The following RBFOX1 variants were observed in gnomAD, a reference collection of about 807,000 sequenced individuals.
RBFOX1 encodes RNA binding protein fox-1 homolog 1.
RBFOX1 carries 8 observed loss-of-function variants against 57.7 expected under a neutral mutation model. That is an observed-to-expected ratio of 0.14 (90% CI 0.08 to 0.25). RBFOX1 has a LOEUF of 0.25. RBFOX1 is among the 10% of genes least tolerant of loss of function. The probability of loss-of-function intolerance (pLI) is 1.00; values close to 1 mark genes in which losing one functional copy is unlikely to be tolerated. For missense variants in RBFOX1, 611 were observed against 548.5 expected (o/e 1.11, Z -1.14); for synonymous variants, 326 against 222.4 (o/e 1.47, Z -4.15).
chr16:7,530,564 T>C (rs143296367), intron 5 of RBFOX1, among the ~76,000 whole-genome samples: 274 of 152,110 alleles, frequency 1.8e-3, no homozygotes, highest in African/African-American at 6.1e-3. Flanking sequence ...GGTGGTTGTA[T>C]CAATGGGTCT....
intron 4 of RBFOX1, among the ~76,000 whole-genome samples, chr16:7,067,542 T>C (rs962367708): frequency 1.3e-5 from 2 of 151,980 alleles, no homozygotes; most frequent in African/African-American, 2.4e-5. Context: ...TTTCTTTTTT[T>C]ATTTTATTAT....
chr16:7,399,705 C>G (rs982704567), intron 4 of RBFOX1, among the ~76,000 whole-genome samples: 2 of 148,880 alleles, frequency 1.3e-5, no homozygotes, highest in African/African-American at 5.0e-5. Flanking sequence ...GGATTTAGGG[C>G]TCACTTAAGT....
intron 14 of RBFOX1, among the ~76,000 whole-genome samples, chr16:7,701,518 A>T (rs1272119806): frequency 2.6e-5 from 4 of 152,066 alleles, no homozygotes; most frequent in Non-Finnish European, 5.9e-5. Flanking sequence ...TTTTTTCCTG[A>T]AACTATTCTC....
intron 4 of RBFOX1, among the ~76,000 whole-genome samples, chr16:6,007,402 C>T (rs1362597751): frequency 6.6e-6 from 1 of 152,190 alleles, no homozygotes; most frequent in Non-Finnish European, 1.5e-5. Flanking sequence ...GAACTGAATC[C>T]TGCCAGTAGT....
rs913135060 is a variant in RBFOX1 at position 6,826,131 on chromosome 16, C to G, written c.-16+171481C>G. On this transcript the variant is annotated intron_variant, in intron 3 of 15. Coordinates refer to ENST00000550418, the MANE Select transcript of RBFOX1 (RefSeq NM_018723.4). ...TCATCTTGGTCATGCCGTCTCACTT[C>G]TCCCTACCCCAGTTTTCTCATCTGG... 3.3e-5 allele frequency among the ~76,000 whole-genome samples: 5 copies of G among 152,236 alleles called. No homozygotes were observed. In the East Asian group the frequency reaches 9.7e-4, roughly 30 times the overall value.
chr16:7,289,858 G>T (rs75779852), intron 4 of RBFOX1, among the ~76,000 whole-genome samples: 1 of 152,152 alleles, frequency 6.6e-6, no homozygotes, highest in Non-Finnish European at 1.5e-5. Flanking sequence ...CTTGCCAAAA[G>T]CCACTCAGCT....
intron 2 of RBFOX1, among the ~76,000 whole-genome samples, chr16:6,650,957 C>T (rs376448463): frequency 2.9e-4 from 44 of 152,156 alleles, no homozygotes; most frequent in Non-Finnish European, 5.6e-4. Context: ...GGCTGAAGTG[C>T]AATGGCATGA....
At chr16:6,023,748 T>A (rs1210200216) in intron 1 of RBFOX1, among the ~76,000 whole-genome samples, 1 of 152,182 alleles carries the variant, frequency 6.6e-6, no homozygotes, top group Non-Finnish European at 1.5e-5. Context: ...TTTCCTAAAA[T>A]CATCCTTTAA....
chr16:6,399,758 C>T (rs780043720), intron 2 of RBFOX1, among the ~76,000 whole-genome samples: 2 of 152,142 alleles, frequency 1.3e-5, no homozygotes, highest in Non-Finnish European at 2.9e-5. Flanking sequence ...ATACCTGAGA[C>T]TCGGTGATTT....
chr16:5,560,875 C>G (rs1275164790), intron 2 of RBFOX1, among the ~76,000 whole-genome samples: 2 of 152,188 alleles, frequency 1.3e-5, no homozygotes, highest in Non-Finnish European at 2.9e-5. Flanking sequence ...CTGAAGGCAG[C>G]CCTGGTGCCT....
chr16:5,722,831 G>C (rs2051986519), intron 3 of RBFOX1, among the ~76,000 whole-genome samples: 1 of 152,158 alleles, frequency 6.6e-6, no homozygotes, highest in Admixed American at 6.5e-5. Flanking sequence ...AGTCTCCCAA[G>C]ACCAAGTATC....
At chr16:6,134,852 T>TA (rs950244372) in intron 1 of RBFOX1, among the ~76,000 whole-genome samples, 10 of 152,052 alleles carry the variant, frequency 6.6e-5, no homozygotes, top group African/African-American at 2.4e-4. Context: ...CCATTTTTTT[T>TA]TTATTATTAT....
intron 3 of RBFOX1, among the ~76,000 whole-genome samples, chr16:5,742,283 C>T (rs2052799857): frequency 6.7e-6 from 1 of 149,852 alleles, no homozygotes. Context: ...TTCCTCCCTC[C>T]CTCCCTTCCT....
At chr16:7,182,052 C>T (rs943114792) in intron 4 of RBFOX1, among the ~76,000 whole-genome samples, 1 of 152,202 alleles carries the variant, frequency 6.6e-6, no homozygotes, top group African/African-American at 2.4e-5. Context: ...AGATAATAAT[C>T]TTCACTGATA....
At chr16:7,222,830 T>G (rs373534196) in intron 4 of RBFOX1, among the ~76,000 whole-genome samples, 1 of 152,236 alleles carries the variant, frequency 6.6e-6, no homozygotes, top group East Asian at 1.9e-4. Flanking sequence ...CATGAAAGAC[T>G]GCAGTGTTCC....
At chr16:5,685,877 A>G (rs1596749592) in intron 3 of RBFOX1, among the ~76,000 whole-genome samples, 2 of 152,210 alleles carry the variant, frequency 1.3e-5, no homozygotes, top group South Asian at 2.1e-4. Flanking sequence ...TCTTTTACAT[A>G]TGCAGAAAGA....
chr16:6,538,007 A>G (rs1168805781), intron 2 of RBFOX1, among the ~76,000 whole-genome samples: 1 of 151,674 alleles, frequency 6.6e-6, no homozygotes, highest in Admixed American at 6.6e-5. Context: ...TTATATTTCT[A>G]CTTTCAAACT....
At chr16:6,638,201 AG>A (rs1207268919) in intron 2 of RBFOX1, among the ~76,000 whole-genome samples, 1 of 152,192 alleles carries the variant, frequency 6.6e-6, no homozygotes, top group Non-Finnish European at 1.5e-5. Flanking sequence ...AGGTTCTGAA[AG>A]GAAACTTGGC....
chr16:5,834,803 TA>T (rs1567604496), intron 3 of RBFOX1, among the ~76,000 whole-genome samples: 1 of 151,476 alleles, frequency 6.6e-6, no homozygotes, highest in Non-Finnish European at 1.5e-5. Context: ...GATAGATAGA[TA>T]GATAGATAGA....
Sources: allele counts gnomAD v4.1 joint callset (sites outside exome capture counted in the v4.1 genomes callset), GRCh38; gene constraint gnomAD v4.1.1; transcripts MANE v1.5; gene names NCBI Gene and HGNC (gene_info 2026-07-23, HGNC 2026-07-21).